The following BEND5 variants were observed in gnomAD, a reference collection of about 807,000 sequenced individuals.
BEND5 encodes the protein BEN domain-containing protein 5.
BEND5 carries 22 observed loss-of-function variants against 43.9 expected under a neutral mutation model. That is an observed-to-expected ratio of 0.50 (90% CI 0.36 to 0.72). BEND5 has a LOEUF of 0.72. Among genes scored for constraint, BEND5 ranks in the 30% least tolerant of loss-of-function variants. BEND5 has a pLI of 0.00. For missense variants in BEND5, 428 were observed against 550.6 expected (o/e 0.78, Z 2.23); for synonymous variants, 228 against 225.9 (o/e 1.01, Z -0.08).
At chr1:48,766,026 C>T (rs1013991448) in intron 1 of BEND5, among the ~76,000 whole-genome samples, 4 of 151,994 alleles carry the variant, frequency 2.6e-5, no homozygotes, top group African/African-American at 9.7e-5. Flanking sequence ...AGGAATATAC[C>T]AAAAAACACT....
intron 1 of BEND5, among the ~76,000 whole-genome samples, chr1:48,771,862 T>C (rs1644853016): frequency 6.6e-6 from 1 of 152,214 alleles, no homozygotes; most frequent in Non-Finnish European, 1.5e-5. Context: ...TTGGAAGCTA[T>C]TTCCCCCAAG....
chr1:48,772,660 T>C (rs1644895201), intron 1 of BEND5, among the ~76,000 whole-genome samples: 1 of 152,174 alleles, frequency 6.6e-6, no homozygotes, highest in Admixed American at 6.5e-5. Context: ...CAGAAGGTTC[T>C]AATGAGAGCA....
chr1:48,744,465 G>GT (rs1453542293), intron 3 of BEND5, among the ~76,000 whole-genome samples: 1 of 152,140 alleles, frequency 6.6e-6, no homozygotes, highest in Non-Finnish European at 1.5e-5. Flanking sequence ...CTGAGTTGGC[G>GT]TGTGAAGTCT....
chr1:48,739,468 T>TA (rs543395719), intron 4 of BEND5, among the ~76,000 whole-genome samples: 58 of 152,044 alleles, frequency 3.8e-4, no homozygotes, highest in African/African-American at 1.4e-3. Flanking sequence ...TTCATCTACA[T>TA]AGTCCATCTA....
intron 1 of BEND5, among the ~76,000 whole-genome samples, chr1:48,765,065 T>C (rs1431328815): frequency 6.6e-6 from 1 of 152,228 alleles, no homozygotes; most frequent in African/African-American, 2.4e-5. Context: ...AAACTCTGCT[T>C]AGCTTCCACT....
In BEND5 at chr1:48,767,446, T is replaced by C. The variant is rs182225319; in HGVS notation, c.227-5976A>G. 2.1e-4 allele frequency among the ~76,000 whole-genome samples: 32 copies of C among 152,130 alleles called. No individual in the cohort carries two copies. The East Asian group carries it at 5.8e-3, about 28-fold the overall frequency. On this transcript the variant is annotated intron_variant, in intron 1 of 5. Transcript: ENST00000371833. ...AGACTGAGACATGATGAAAGAGATG[T>C]TTTAGGAAGATTAATGTGACAGTGG...
chr1:48,737,008 G>A (rs1266570742), intron 4 of BEND5, among the ~76,000 whole-genome samples: 2 of 152,196 alleles, frequency 1.3e-5, no homozygotes, highest in Admixed American at 6.5e-5. Context: ...TGACAGCCAG[G>A]CATGGTGGCT....
At chr1:48,744,250 C>T (rs1343856661) in intron 3 of BEND5, among the ~76,000 whole-genome samples, 7 of 152,220 alleles carry the variant, frequency 4.6e-5, no homozygotes, top group African/African-American at 1.7e-4. Context: ...TGAGTAGGCA[C>T]TCTCTAAATG....
chr1:48,754,703 T>G (rs1652264855), intron 3 of BEND5, among the ~76,000 whole-genome samples: 1 of 152,154 alleles, frequency 6.6e-6, no homozygotes, highest in African/African-American at 2.4e-5. Context: ...AAAGTGAGGT[T>G]CCTTCCCATC....
At position 48,736,123 on chromosome 1, in the gene BEND5, C is replaced by T. The variant is rs78956351; in HGVS notation, c.1108+116G>A. On this transcript the variant is annotated intron_variant, in intron 5 of 5. Transcript: ENST00000371833. The surrounding 1 kb of genome is among the most constrained non-coding windows in gnomAD (Gnocchi z 4.0). The stretch of plus-strand genomic sequence containing the variant: ...CCGCTTGGTGTCCCCGGGCTCAGCC[C>T]AGGGTCTGGCATGCAGAAGCTTCAT... 3.8e-4 allele frequency: 464 copies of T among 1,224,460 alleles called. No individual in the cohort carries two copies. The African/African-American group carries it at 6.6e-3, about 17-fold the overall frequency. 75.8% of individuals were successfully genotyped at this position (1,224,460 alleles called of 1,614,324 possible).
At chr1:48,761,789 C>A (rs1357121300) in intron 1 of BEND5, among the ~76,000 whole-genome samples, 1 of 152,140 alleles carries the variant, frequency 6.6e-6, no homozygotes, top group Non-Finnish European at 1.5e-5. Flanking sequence ...ATTGGAACAG[C>A]CCTTAGATTG....
At chr1:48,766,291 C>A (rs1194828592) in intron 1 of BEND5, among the ~76,000 whole-genome samples, 1 of 152,144 alleles carries the variant, frequency 6.6e-6, no homozygotes, top group Non-Finnish European at 1.5e-5. Context: ...TGGGAAGGTG[C>A]AGAGCCAAGA....
intron 1 of BEND5, among the ~76,000 whole-genome samples, chr1:48,764,174 G>C (rs1411880657): frequency 6.6e-6 from 1 of 152,208 alleles, no homozygotes; most frequent in Non-Finnish European, 1.5e-5. Context: ...TTAGGAGCAT[G>C]GGAGATCACT....
chr1:48,752,759 C>CT (rs888890541), intron 3 of BEND5, among the ~76,000 whole-genome samples: 62 of 149,034 alleles, frequency 4.2e-4, no homozygotes, highest in African/African-American at 1.3e-3. Flanking sequence ...TCATTTACTC[C>CT]TTTTTTTTTT....
chr1:48,745,734 C>T (rs1650633738), intron 3 of BEND5, among the ~76,000 whole-genome samples: 1 of 152,130 alleles, frequency 6.6e-6, no homozygotes, highest in Admixed American at 6.5e-5. Context: ...TTATCTCTAG[C>T]CCTTGGCTTG....
intron 3 of BEND5, among the ~76,000 whole-genome samples, chr1:48,755,690 T>C (rs1457225301): frequency 6.6e-6 from 1 of 152,138 alleles, no homozygotes; most frequent in East Asian, 1.9e-4. Context: ...GGGGATATCT[T>C]ACCAGACTTT....
At position 48,751,053 on chromosome 1, in the gene BEND5, T is replaced by C. The variant is rs565709893; in HGVS notation, c.745+7847A>G. 2.0e-3 allele frequency among the ~76,000 whole-genome samples: 310 copies of C among 152,270 alleles called. 3 individuals are homozygous for C. The highest frequency in any genetic ancestry group is 7.1e-3 in the African/African-American group (297 of 41,554). Reference sequence around the variant, plus strand: ...TATAGCATTCATGAAATCCTATATATTCTGATTCCACATGGCATAGATATG... The same window carrying C: ...TATAGCATTCATGAAATCCTATATACTCTGATTCCACATGGCATAGATATG... On this transcript the variant is annotated intron_variant, in intron 3 of 5. Coordinates refer to ENST00000371833, the MANE Select transcript of BEND5 (RefSeq NM_024603.4).
intron 5 of BEND5, among the ~76,000 whole-genome samples, chr1:48,729,417 G>A (rs1007500685): frequency 6.6e-6 from 1 of 152,192 alleles, no homozygotes; most frequent in Non-Finnish European, 1.5e-5. Flanking sequence ...GACTCTTTGA[G>A]CCTGAGTTTT....
chr1:48,753,839 T>C (rs1385463496), intron 3 of BEND5, among the ~76,000 whole-genome samples: 1 of 152,248 alleles, frequency 6.6e-6, no homozygotes, highest in Non-Finnish European at 1.5e-5. Context: ...ACTCTAGTTA[T>C]CTATGCCTCT....
Sources: allele counts gnomAD v4.1 joint callset (sites outside exome capture counted in the v4.1 genomes callset), GRCh38; gene constraint gnomAD v4.1.1; non-coding constraint Gnocchi (gnomAD v3.1); transcripts MANE v1.5; gene names NCBI Gene and HGNC (gene_info 2026-07-23, HGNC 2026-07-21).